RELN: variants seen among roughly 807,000 people sequenced by gnomAD.
RELN encodes reelin.
A neutral mutation model predicts 427.6 loss-of-function variants in RELN; 108 were observed. That is an observed-to-expected ratio of 0.25 (90% CI 0.22 to 0.30). RELN has a LOEUF of 0.30. Ranked by LOEUF, RELN falls within the 10% of genes least tolerant of loss-of-function variation. The probability of loss-of-function intolerance (pLI) is 1.00; values close to 1 mark genes in which losing one functional copy is unlikely to be tolerated. For synonymous variants in RELN, 1,524 were observed against 1,513.4 expected (o/e 1.01, Z -0.16); for missense variants, 3,715 against 4,302.8 (o/e 0.86, Z 3.82).
intron 50 of RELN, chr7:103,513,440 C>T (rs1829478419): frequency 6.6e-6 from 1 of 152,152 alleles, no homozygotes; most frequent in African/African-American, 2.4e-5. Context: ...TGATTGTAAA[C>T]TCACTTATGT....
At chr7:103,514,756 G>A (rs185089895) in intron 50 of RELN, among the ~76,000 whole-genome samples, 6 of 152,294 alleles carry the variant, frequency 3.9e-5, no homozygotes, top group Admixed American at 6.5e-5. Flanking sequence ...CCTGGGACAT[G>A]ACCTAAGACA....
rs965000200 is a variant in RELN at position 103,599,093 on chromosome 7, G to A, written c.3334-2432C>T. Among the ~76,000 whole-genome samples, 41 of 152,212 alleles carry A rather than the reference G, an allele frequency of 2.7e-4. 2 individuals are homozygous for A. Among genetic ancestry groups the A allele is most frequent in the African/African-American group, 9.6e-4 (40 of 41,540 alleles). ...AGGTAAGGCTTTCAGAATCTAGAACGTTTATAACAAAACCTCCAAAACATT... is the reference window on the plus strand; with the variant it reads ...AGGTAAGGCTTTCAGAATCTAGAACATTTATAACAAAACCTCCAAAACATT... On this transcript the variant is annotated intron_variant, in intron 24 of 64. Transcript: ENST00000428762.
intron 7 of RELN, among the ~76,000 whole-genome samples, chr7:103,725,051 A>T (rs1395567709): frequency 6.6e-6 from 1 of 152,140 alleles, no homozygotes; most frequent in Non-Finnish European, 1.5e-5. Context: ...CTGATACATA[A>T]CTTTTTTCTT....
intron 20 of RELN, among the ~76,000 whole-genome samples, chr7:103,612,378 T>C (rs1831980829): frequency 6.6e-6 from 1 of 151,446 alleles, no homozygotes; most frequent in Admixed American, 6.6e-5. Flanking sequence ...CTGGTTCAAG[T>C]GATTCTCCTG....
chr7:103,903,740 A>G (rs966300963), intron 2 of RELN, among the ~76,000 whole-genome samples: 3 of 152,014 alleles, frequency 2.0e-5, no homozygotes, highest in African/African-American at 7.2e-5. Context: ...GAGCATATTC[A>G]TTTGAACAGA....
At position 103,903,648 on chromosome 7, in the gene RELN, ATGTT is replaced by A. The variant is rs1795131091; in HGVS notation, c.337+13423_337+13426del. Among the ~76,000 whole-genome samples, 3 of 151,884 alleles carry A rather than the reference ATGTT, an allele frequency of 2.0e-5. No individual in the cohort carries two copies. The South Asian group carries it at 6.2e-4, about 32-fold the overall frequency. ...TCTGCTCGAAAATGTACATTTCCTG[ATGTT>A]CTTTTTTTTGTTTTTGATATGATTA... On this transcript the variant is annotated intron_variant, in intron 2 of 64. Coordinates refer to ENST00000428762, the MANE Select transcript of RELN (RefSeq NM_005045.4).
intron 61 of RELN, among the ~76,000 whole-genome samples, chr7:103,485,632 T>C (rs953252865): frequency 2.6e-5 from 4 of 152,206 alleles, no homozygotes; most frequent in African/African-American, 9.6e-5. Context: ...CTTATGTCTT[T>C]GTCAGTCACT....
At chr7:103,756,054 T>C (rs11977653) in intron 4 of RELN, among the ~76,000 whole-genome samples, 20,531 of 152,242 alleles carry the variant, frequency 0.13, 1,484 homozygotes, top group African/African-American at 0.18. Flanking sequence ...AATAATTAGA[T>C]ATGTATAACA....
intron 2 of RELN, among the ~76,000 whole-genome samples, chr7:103,915,961 T>C (rs1362662128): frequency 1.3e-5 from 2 of 152,160 alleles, no homozygotes; most frequent in African/African-American, 4.8e-5. Flanking sequence ...AGGACATTTT[T>C]CCCCTGAGGT....
chr7:103,525,943 A>G lies in RELN; in HGVS notation c.7350-2412T>C, dbSNP rs554196015. On this transcript the variant is annotated intron_variant, in intron 46 of 64. Transcript: ENST00000428762. ...TATTGTTGCTGGCACCTACAGATGGAGCTTCATAAACATTTGCTGAAACAC... is the reference window on the plus strand; with the variant it reads ...TATTGTTGCTGGCACCTACAGATGGGGCTTCATAAACATTTGCTGAAACAC... 5.9e-5 allele frequency among the ~76,000 whole-genome samples: 9 copies of G among 152,274 alleles called. No individual in the cohort carries two copies. In the South Asian group the frequency reaches 1.7e-3, roughly 28 times the overall value.
intron 3 of RELN, among the ~76,000 whole-genome samples, chr7:103,825,797 G>T (rs1430594945): frequency 6.6e-6 from 1 of 152,036 alleles, no homozygotes; most frequent in Non-Finnish European, 1.5e-5. Context: ...TAATTTTAAT[G>T]AATTCAAACT....
chr7:103,551,173 T>C lies in RELN; in HGVS notation c.6196A>G (p.Ser2066Gly), dbSNP rs1349009453. The part of the protein sequence containing the change: ...PLCYHSSSHV[S>G]SLCSTEHHPS... ...TGGTGCTCGGTGGAGCATAAAGAGC[T>C]GACGTGGCTGCTGCTGTGGTAGCAG... Residue 2066 changes from serine (S) to glycine (G), a missense_variant, in exon 41 of 65, where the codon AGC (serine) becomes GGC (glycine). This residue lies in a region of RELN where 1,310 missense variants were observed against 1,643.0 expected (regional missense o/e 0.80). Coordinates refer to ENST00000428762, the MANE Select transcript of RELN (RefSeq NM_005045.4). The C allele has an allele frequency of 2.5e-6, 4 of 1,613,978 alleles. No homozygotes were observed. The highest frequency in any genetic ancestry group is 3.4e-6 in the Non-Finnish European group (4 of 1,180,028).
intron 14 of RELN, 43 bp from the exon 15 acceptor site, chr7:103,651,832 A>G (rs1318026779): frequency 3.1e-6 from 5 of 1,599,838 alleles, no homozygotes; most frequent in Non-Finnish European, 4.3e-6. Context: ...TGGGGAGGGT[A>G]AAGATAACAA....
intron 3 of RELN, among the ~76,000 whole-genome samples, chr7:103,805,188 T>G (rs1792567989): frequency 6.6e-6 from 1 of 152,122 alleles, no homozygotes; most frequent in Non-Finnish European, 1.5e-5. Context: ...CACCAGATTC[T>G]TCATCTGTGA....
chr7:103,804,527 T>G (rs912672400), intron 3 of RELN, among the ~76,000 whole-genome samples: 4 of 152,146 alleles, frequency 2.6e-5, no homozygotes, highest in Non-Finnish European at 4.4e-5. Context: ...AAATGGAAAA[T>G]CTACACACAG....
intron 16 of RELN, among the ~76,000 whole-genome samples, chr7:103,649,567 TTAAAAA>T (rs1362283048): frequency 6.6e-6 from 1 of 151,934 alleles, no homozygotes. Context: ...CACTGAATCC[TTAAAAA>T]TAAAAATAAA....
intron 1 of RELN, among the ~76,000 whole-genome samples, chr7:103,938,273 T>C (rs899740096): frequency 7.9e-5 from 12 of 151,968 alleles, no homozygotes; most frequent in Admixed American, 5.9e-4. Flanking sequence ...TGAGCCGAGA[T>C]TGCGCCATTG....
At chr7:103,840,342 C>T (rs138872765) in intron 2 of RELN, among the ~76,000 whole-genome samples, 29 of 152,236 alleles carry the variant, frequency 1.9e-4, no homozygotes, top group African/African-American at 6.3e-4. Flanking sequence ...TAAGATTTTC[C>T]GTATTTGTTT....
chr7:103,479,184 A>C (rs1309880795), intron 63 of RELN, among the ~76,000 whole-genome samples: 1 of 152,194 alleles, frequency 6.6e-6, no homozygotes, highest in Non-Finnish European at 1.5e-5. Flanking sequence ...GAATTGGGTG[A>C]GGGAGATTCT....
Sources: allele counts gnomAD v4.1 joint callset (sites outside exome capture counted in the v4.1 genomes callset), GRCh38; gene constraint gnomAD v4.1.1; regional missense constraint gnomAD v4.1.1; transcripts MANE v1.5; gene names NCBI Gene and HGNC (gene_info 2026-07-23, HGNC 2026-07-21).